Variants in MTMR2 observed in about 807,000 individuals in gnomAD.
MTMR2 encodes the protein phosphatidylinositol-3,5-bisphosphate 3-phosphatase MTMR2.
Under a neutral mutation model 86.9 loss-of-function variants are expected in MTMR2, and 55 were observed. That is an observed-to-expected ratio of 0.63 (90% CI 0.51 to 0.79). MTMR2 has a LOEUF of 0.79. MTMR2 is among the 30% of genes least tolerant of loss of function. The pLI is 0.00. For missense variants in MTMR2, 659 were observed against 772.3 expected (o/e 0.85, Z 1.74); for synonymous variants, 241 against 266.8 (o/e 0.90, Z 0.94).
chr11:95,884,035 G>C (rs1865431887), intron 2 of MTMR2, among the ~76,000 whole-genome samples: 1 of 152,180 alleles, frequency 6.6e-6, no homozygotes, highest in South Asian at 2.1e-4. Context: ...TGGAAGCCTA[G>C]AGGTTAACCA....
chr11:95,892,578 TC>T (rs1865750292), intron 1 of MTMR2, among the ~76,000 whole-genome samples: 1 of 152,170 alleles, frequency 6.6e-6, no homozygotes, highest in Non-Finnish European at 1.5e-5. Context: ...ACCATTTTGG[TC>T]CCCAGATTTC....
At chr11:95,877,769 T>C (rs952537520) in intron 2 of MTMR2, among the ~76,000 whole-genome samples, 3 of 152,028 alleles carry the variant, frequency 2.0e-5, no homozygotes, top group Admixed American at 6.6e-5. Flanking sequence ...ACATCAAAGA[T>C]GGCTAACCCT....
chr11:95,848,073 G>A (rs1863870939), intron 9 of MTMR2, among the ~76,000 whole-genome samples, 174 bp from the exon 10 acceptor site: 1 of 152,168 alleles, frequency 6.6e-6, no homozygotes, highest in African/African-American at 2.4e-5. Context: ...TCGCTTTCTT[G>A]TGTTCTTCTT....
intron 1 of MTMR2, among the ~76,000 whole-genome samples, chr11:95,902,276 A>G (rs944890049): frequency 1.3e-5 from 2 of 152,094 alleles, no homozygotes; most frequent in African/African-American, 4.8e-5. Context: ...CCCAGCCTCC[A>G]TCAGCAAGAG....
At chr11:95,870,924 C>T (rs1864853827) in intron 2 of MTMR2, among the ~76,000 whole-genome samples, 1 of 151,604 alleles carries the variant, frequency 6.6e-6, no homozygotes, top group Admixed American at 6.6e-5. Context: ...GTGTGATGCT[C>T]CCCTTCCTGT....
At chr11:95,861,263 G>GA (rs1864409800) in intron 5 of MTMR2, among the ~76,000 whole-genome samples, 1 of 151,264 alleles carries the variant, frequency 6.6e-6, no homozygotes, top group African/African-American at 2.4e-5. Flanking sequence ...GAACTGCTCA[G>GA]AGCCTTATGT....
intron 1 of MTMR2, among the ~76,000 whole-genome samples, chr11:95,916,015 A>G (rs1001659063): frequency 6.6e-6 from 1 of 152,194 alleles, no homozygotes; most frequent in African/African-American, 2.4e-5. Flanking sequence ...AAGAGTTCAG[A>G]GTGCTCCAAG....
At chr11:95,846,532 T>C (rs879668474) in intron 10 of MTMR2, among the ~76,000 whole-genome samples, 4 of 152,320 alleles carry the variant, frequency 2.6e-5, no homozygotes, top group Middle Eastern at 3.4e-3. Context: ...AAAGGTGATA[T>C]TTGAGCAGAG....
At chr11:95,838,256 T>C (rs370540902) in intron 12 of MTMR2, 49 bp from the exon 13 acceptor site, 28 of 999,308 alleles carry the variant, frequency 2.8e-5, no homozygotes, top group Non-Finnish European at 4.2e-5. Context: ...TCTTCAAGCA[T>C]ATTCATCCCT....
At chr11:95,861,666 C>A (rs941009852) in intron 5 of MTMR2, among the ~76,000 whole-genome samples, 1 of 151,886 alleles carries the variant, frequency 6.6e-6, no homozygotes, top group Non-Finnish European at 1.5e-5. Flanking sequence ...TGATGTGATC[C>A]ACCTGCCTCA....
At chr11:95,891,346 G>T (rs1054862815) in intron 1 of MTMR2, among the ~76,000 whole-genome samples, 8 of 151,954 alleles carry the variant, frequency 5.3e-5, no homozygotes, top group Admixed American at 2.0e-4. Context: ...AGCTACTCGG[G>T]AGGCTGAAGC....
chr11:95,844,852 G>T, intron 11 of MTMR2, 101 bp downstream of exon 11: 1 of 1,088,266 alleles, frequency 9.2e-7, no homozygotes, highest in Non-Finnish European at 1.4e-6. Flanking sequence ...CTAGATAAAT[G>T]ATCAATTTCA....
intron 1 of MTMR2, among the ~76,000 whole-genome samples, chr11:95,910,122 T>C (rs1265038540): frequency 7.6e-6 from 1 of 131,742 alleles, no homozygotes; most frequent in Non-Finnish European, 1.8e-5. Context: ...CACGCACGCA[T>C]GCACGCACAC....
rs1159867051 is a variant in MTMR2 at position 95,850,593 on chromosome 11, T to C, written c.804+7A>G. 2 of 1,591,680 alleles carry C rather than the reference T, an allele frequency of 1.3e-6. No individual in the cohort carries two copies. Among genetic ancestry groups the C allele is most frequent in the Non-Finnish European group, 1.7e-6 (2 of 1,162,506 alleles). ...CTTGCAAAGGCTCATCCAAACTTCC[T>C]ACTTACTGGGATACGGCCTCTTGAT... On this transcript the variant is annotated splice_region_variant and intron_variant, in intron 8 of 14. Coordinates refer to ENST00000346299, the MANE Select transcript of MTMR2 (RefSeq NM_016156.6).
At chr11:95,854,496 T>G (rs1864138446) in intron 7 of MTMR2, among the ~76,000 whole-genome samples, 1 of 152,210 alleles carries the variant, frequency 6.6e-6, no homozygotes, top group Non-Finnish European at 1.5e-5. Flanking sequence ...ATAAGGTCTC[T>G]GCACTCTTCA....
intron 1 of MTMR2, among the ~76,000 whole-genome samples, chr11:95,908,798 C>G (rs187716086): frequency 2.0e-5 from 3 of 152,180 alleles, no homozygotes; most frequent in Non-Finnish European, 2.9e-5. Flanking sequence ...TAGATTGAAA[C>G]TGGAACCCTT....
intron 1 of MTMR2, among the ~76,000 whole-genome samples, chr11:95,918,989 T>C (rs1321668737): frequency 6.6e-6 from 1 of 152,150 alleles, no homozygotes; most frequent in African/African-American, 2.4e-5. Context: ...AGGCATGCAC[T>C]ACCATGCCCA....
At chr11:95,888,720 T>TACACAC (rs139869459) in intron 1 of MTMR2, among the ~76,000 whole-genome samples, 1 of 136,716 alleles carries the variant, frequency 7.3e-6, no homozygotes, top group South Asian at 2.1e-4. Context: ...CACACACACA[T>TACACAC]ACACACACAC....
At chr11:95,919,850 C>T (rs1364869973) in intron 1 of MTMR2, among the ~76,000 whole-genome samples, 1 of 152,046 alleles carries the variant, frequency 6.6e-6, no homozygotes, top group Non-Finnish European at 1.5e-5. Flanking sequence ...AGCACCTATT[C>T]GGCACTAGAT....
Sources: allele counts gnomAD v4.1 joint callset (sites outside exome capture counted in the v4.1 genomes callset), GRCh38; gene constraint gnomAD v4.1.1; transcripts MANE v1.5; gene names NCBI Gene and HGNC (gene_info 2026-07-23, HGNC 2026-07-21).